Variants in SRP19 observed in about 807,000 individuals in gnomAD.
SRP19 encodes the protein signal recognition particle 19 kDa protein.
A neutral mutation model predicts 22.4 loss-of-function variants in SRP19; 11 were observed. The ratio of observed to expected loss-of-function variants is 0.49; its 90% CI spans 0.31 to 0.81. SRP19 has a LOEUF of 0.81. Among genes scored for constraint, SRP19 ranks in the 40% least tolerant of loss-of-function variants. The pLI is 0.05. For synonymous variants in SRP19, 61 were observed against 57.6 expected (o/e 1.06, Z -0.27); for missense variants, 168 against 175.9 (o/e 0.96, Z 0.25).
exon 5 of SRP19, chr5:112,892,627 C>T: frequency 1.2e-6 from 2 of 1,614,090 alleles, no homozygotes; most frequent in South Asian, 2.2e-5. Context: ...AAGAGGAAAA[C>T]ACTGCAACTT....
In SRP19 at chr5:112,868,483, C is replaced by G; in HGVS notation, c.*946C>G. On this transcript the variant is annotated 3_prime_UTR_variant, in exon 5 of 5. Transcript: ENST00000505459. Reference sequence around the variant, plus strand: ...TGGCACGATATCGGCGTACCACAACCTCTGCATCCCAGGTTCAAGAGATTC... The same window carrying G: ...TGGCACGATATCGGCGTACCACAACGTCTGCATCCCAGGTTCAAGAGATTC... The G allele has an allele frequency of 1.6e-6, 1 of 612,592 alleles. No homozygotes were observed. The highest frequency in any genetic ancestry group is 2.0e-6 in the Non-Finnish European group (1 of 489,180). 37.9% of individuals were successfully genotyped at this position (612,592 alleles called of 1,614,324 possible).
chr5:112,888,857 C>T (rs113038757), intron 4 of SRP19, among the ~76,000 whole-genome samples: 3,937 of 150,698 alleles, frequency 0.026, 397 homozygotes, highest in African/African-American at 0.093. Flanking sequence ...ACCCAAATCT[C>T]ATCTTGAACT....
intron 4 of SRP19, among the ~76,000 whole-genome samples, chr5:112,879,622 C>G (rs1355754144): frequency 6.6e-6 from 1 of 152,048 alleles, no homozygotes; most frequent in Non-Finnish European, 1.5e-5. Flanking sequence ...TACATGCACT[C>G]ACCACCACGC....
At chr5:112,897,558 TA>T (rs1185501769), downstream of SRP19, 5 of 152,356 alleles carry the variant, frequency 3.3e-5, no homozygotes, top group African/African-American at 1.2e-4. Context: ...AATTTATTTT[TA>T]AACCCTCTTG....
intron 4 of SRP19, chr5:112,885,238 T>C: frequency 6.0e-6 from 1 of 166,976 alleles, no homozygotes; most frequent in South Asian, 1.2e-4. Flanking sequence ...GAGAAGGCAC[T>C]GAGGAGGAAA....
chr5:112,881,128 CAA>C (rs58737941), intron 4 of SRP19, among the ~76,000 whole-genome samples: 3 of 67,200 alleles, frequency 4.5e-5, no homozygotes, highest in Non-Finnish European at 5.2e-5. Flanking sequence ...GACTCTGTTT[CAA>C]AAAAAAAAAA....
downstream of SRP19, among the ~76,000 whole-genome samples, chr5:112,873,304 TATTTAGATTTGCTCAGCTTTATTTTCCAA>T (rs1767800977): frequency 6.9e-6 from 1 of 144,966 alleles, no homozygotes; most frequent in African/African-American, 2.5e-5. Flanking sequence ...TTTTTGCCTT[TATTTAGATTTGCTCAGCTTTATTTTCCAA>T]CCTTTCCTAT....
downstream of SRP19, among the ~76,000 whole-genome samples, chr5:112,872,670 ATC>A (rs1247713005): frequency 6.6e-6 from 1 of 151,932 alleles, no homozygotes; most frequent in African/African-American, 2.4e-5. Flanking sequence ...CCTGGCTCTG[ATC>A]TCTTACCCTT....
chr5:112,882,721 G>C (rs1448828348), intron 4 of SRP19, among the ~76,000 whole-genome samples: 1 of 152,190 alleles, frequency 6.6e-6, no homozygotes, highest in Admixed American at 6.5e-5. Context: ...AGCTGCAACA[G>C]AGACATGATA....
chr5:112,889,429 TTAAGGCAAAA>T (rs1254152556), intron 4 of SRP19, among the ~76,000 whole-genome samples: 1 of 150,708 alleles, frequency 6.6e-6, no homozygotes, highest in East Asian at 2.0e-4. Flanking sequence ...TACAAATTAC[TTAAGGCAAAA>T]TAAGTAAATA....
chr5:112,866,060 C>T (rs576891938), intron 4 of SRP19, among the ~76,000 whole-genome samples: 15 of 151,742 alleles, frequency 9.9e-5, no homozygotes, highest in Admixed American at 2.6e-4. Context: ...CAAGGTCTCA[C>T]TCTGTCATCG....
rs1483114557 is a variant in SRP19, at chr5:112,864,727, C to T, written c.296C>T (p.Pro99Leu). 6.2e-7 allele frequency: 1 copy of T among 1,610,138 alleles called. No homozygotes were observed. Among genetic ancestry groups the T allele is most frequent in the South Asian group, 1.1e-5 (1 of 90,446 alleles). Residue 99 changes from proline (P) to leucine (L), a missense_variant, in exon 4 of 5, where the codon CCA (proline) becomes CTA (leucine). Physicochemically the swap from Pro to Leu is moderately conservative, Grantham distance 98. Coordinates refer to ENST00000505459, the MANE Select transcript of SRP19 (RefSeq NM_003135.3). Reference sequence around the variant, plus strand: ...GGGAGCCTCTGCCTTGTACAGTTCCCATCACGTAAGCTTGTTTAAATGAAT... The same window carrying T: ...GGGAGCCTCTGCCTTGTACAGTTCCTATCACGTAAGCTTGTTTAAATGAAT... ...EDGSLCLVQF[P>L]SRKSVMLYAA...
At chr5:112,864,755 G>A in intron 4 of SRP19, 23 bp downstream of exon 4, 1 of 1,559,646 alleles carries the variant, frequency 6.4e-7, no homozygotes, top group Non-Finnish European at 8.8e-7. Context: ...AAATGAATCA[G>A]TGGGGCTCAG....
In SRP19 at chr5:112,890,998, A is replaced by G. The variant is rs1768425721; in HGVS notation, c.302-605A>G. Among the ~76,000 whole-genome samples the G allele has an allele frequency of 2.0e-5, 3 of 150,836 alleles. 1 individual carries two copies. The highest frequency in any genetic ancestry group is 2.0e-4 in the East Asian group (1 of 4,994). On this transcript the variant is annotated intron_variant, in intron 4 of 4. Transcript: ENST00000391338. ...TTTCTAACAACATCTATGAAACATT[A>G]CTAACAGGAGAACATGTTAGCTTTC...
exon 5 of SRP19, chr5:112,892,615 C>T (rs1768514133): frequency 6.2e-7 from 1 of 1,614,034 alleles, no homozygotes; most frequent in Non-Finnish European, 8.5e-7. Context: ...ACAACAATGT[C>T]CAAGAGGAAA....
chr5:112,889,247 A>G (rs1271057583), intron 4 of SRP19, among the ~76,000 whole-genome samples: 1 of 147,684 alleles, frequency 6.8e-6, no homozygotes, highest in Non-Finnish European at 1.5e-5. Flanking sequence ...AAAACAAAAC[A>G]AAACCCAGAC....
chr5:112,876,783 T>TA (rs1356448200), intron 4 of SRP19: 2 of 152,166 alleles, frequency 1.3e-5, no homozygotes, highest in African/African-American at 2.4e-5. Context: ...CATTTACACT[T>TA]AGACTGCCAG....
intron 4 of SRP19, among the ~76,000 whole-genome samples, chr5:112,875,941 G>C (rs182297243): frequency 8.0e-4 from 122 of 152,088 alleles, no homozygotes; most frequent in East Asian, 2.1e-3. Context: ...CAGCTACTCG[G>C]GAGGCTGAGG....
chr5:112,885,599 C>T, intron 4 of SRP19: 1 of 276,774 alleles, frequency 3.6e-6, no homozygotes, highest in Non-Finnish European at 7.6e-6. Flanking sequence ...AACTTAGACC[C>T]ACTAGTGTTC....
Sources: gnomAD v4.1 joint callset for allele counts (sites outside exome capture counted in the v4.1 genomes callset) on GRCh38, gnomAD v4.1.1 for gene constraint, MANE v1.5 for transcripts, NCBI Gene and HGNC (gene_info 2026-07-23, HGNC 2026-07-21) for gene names.